The following DCT variants were observed in gnomAD, a reference collection of about 807,000 sequenced individuals.
DCT encodes dopachrome tautomerase, also known as L-dopachrome tautomerase.
In DCT, 47 loss-of-function variants were observed where a neutral mutation model predicts 53.0. That is an observed-to-expected ratio of 0.89 (90% CI 0.70 to 1.13). The LOEUF is 1.13. Among genes scored for constraint, DCT ranks in the 50% most tolerant of loss-of-function variants. DCT has a pLI of 0.00. For synonymous variants in DCT, 244 were observed against 237.0 expected, an observed-to-expected ratio of 1.03 and a Z score of -0.27; for missense variants, 669 against 637.4, an observed-to-expected ratio of 1.05 and a Z score of -0.53.
the DCT span, among the ~76,000 whole-genome samples, chr13:94,499,161 T>C: frequency 2.6e-5 from 4 of 152,260 alleles, no homozygotes; most frequent in East Asian, 7.7e-4. Context: ...GTAAGAGCTG[T>C]AACACTGGCT....
intron 6 of DCT, among the ~76,000 whole-genome samples, chr13:94,457,276 G>A (rs1416261508): frequency 6.6e-6 from 1 of 152,216 alleles, no homozygotes; most frequent in Non-Finnish European, 1.5e-5. Context: ...TGGAGATAGA[G>A]CCTAGAAAGA....
At chr13:94,476,757 C>T (rs569923871) in intron 1 of DCT, among the ~76,000 whole-genome samples, 1 of 152,284 alleles carries the variant, frequency 6.6e-6, no homozygotes, top group East Asian at 1.9e-4. Flanking sequence ...AGCCACTGCG[C>T]TTGGCCAGCA....
At chr13:94,519,885 T>C in the DCT span, among the ~76,000 whole-genome samples, 3 of 152,246 alleles carry the variant, frequency 2.0e-5, no homozygotes, top group East Asian at 1.9e-4. Context: ...AACAGTTAAC[T>C]ATGAGGGAGA....
the DCT span, among the ~76,000 whole-genome samples, chr13:94,541,618 A>G: frequency 1.3e-5 from 2 of 152,208 alleles, no homozygotes; most frequent in African/African-American, 4.8e-5. Context: ...TTGCAACTTT[A>G]AAAACTGCAA....
chr13:94,439,684 G>A lies in DCT; in HGVS notation c.*214C>T. 2.7e-6 allele frequency: 1 copy of A among 370,766 alleles called. No individual in the cohort carries two copies. Among genetic ancestry groups the A allele is most frequent in the Non-Finnish European group, 4.8e-6 (1 of 207,254 alleles). The allele number at this position is 370,766 out of a possible 1,614,324, so 23.0% of individuals were successfully genotyped here. The stretch of plus-strand genomic sequence containing the variant: ...TCAGGTCTATCTTTATTTGAAGGTA[G>A]AGGTAGCCTCAAGCACTTTAGTTGG... On this transcript the variant is annotated 3_prime_UTR_variant, in exon 8 of 8. Transcript: ENST00000377028.
At chr13:94,468,531 G>A (rs953239499) in intron 2 of DCT, 5 of 547,110 alleles carry the variant, frequency 9.1e-6, no homozygotes, top group African/African-American at 5.6e-5. Flanking sequence ...TACGGTAGAG[G>A]AGAGAACATT....
chr13:94,480,881 G>A (rs1885412945), upstream of DCT, among the ~76,000 whole-genome samples: 1 of 152,222 alleles, frequency 6.6e-6, no homozygotes. Flanking sequence ...TGAGGCTTCT[G>A]TAACAAATGA....
the DCT span, among the ~76,000 whole-genome samples, chr13:94,547,978 A>T: frequency 1.2e-4 from 13 of 104,548 alleles, no homozygotes; most frequent in South Asian, 6.3e-4. Context: ...AAAAAAAAAA[A>T]AAAAAAATAT....
chr13:94,478,619 C>T (rs1023641646), intron 1 of DCT, among the ~76,000 whole-genome samples: 13 of 152,222 alleles, frequency 8.5e-5, no homozygotes, highest in East Asian at 5.8e-4. Flanking sequence ...GAGAGGGCAC[C>T]GAATCCATCT....
the DCT span, among the ~76,000 whole-genome samples, chr13:94,490,641 C>T: frequency 6.6e-6 from 1 of 151,190 alleles, no homozygotes; most frequent in Non-Finnish European, 1.5e-5. Context: ...CGTGTGCATG[C>T]ACACACACAC....
chr13:94,491,490 G>A, the DCT span, among the ~76,000 whole-genome samples: 2 of 152,074 alleles, frequency 1.3e-5, no homozygotes, highest in African/African-American at 4.8e-5. Context: ...CACATTCTGG[G>A]TTACTCAGGG....
At chr13:94,501,268 CAAATAAAT>C in the DCT span, among the ~76,000 whole-genome samples, 13 of 151,692 alleles carry the variant, frequency 8.6e-5, no homozygotes, top group Non-Finnish European at 1.8e-4. Flanking sequence ...GACTCCGTCT[CAAATAAAT>C]AAATAAATTA....
rs775674378 is a variant in DCT at position 94,479,133 on chromosome 13, G to A, written c.123C>T (p.Cys41=). The change falls in exon 1 of 8, where the codon TGC becomes TGT. Residue 41 remains cysteine, a synonymous_variant. Coordinates refer to ENST00000377028, the MANE Select transcript of DCT (RefSeq NM_001922.5). ...TGGCCGACTCTGCACCCAGGCGTGG[G>A]CAGCACTCCTTGTTCACTAGGCTGT... The part of the protein sequence containing the change: ...TVDSLVNKEC[C]PRLGAESANV... 1.9e-6 allele frequency: 3 copies of A among 1,614,172 alleles called. No individual in the cohort carries two copies. The highest frequency in any genetic ancestry group is 2.5e-6 in the Non-Finnish European group (3 of 1,180,014).
intron 7 of DCT, among the ~76,000 whole-genome samples, chr13:94,441,697 A>G (rs1375132796): frequency 1.3e-5 from 2 of 152,182 alleles, no homozygotes; most frequent in Non-Finnish European, 2.9e-5. Flanking sequence ...TTGAGGCTGA[A>G]TAATATTCCA....
chr13:94,493,395 C>A, the DCT span, among the ~76,000 whole-genome samples: 2 of 152,080 alleles, frequency 1.3e-5, no homozygotes, highest in Non-Finnish European at 2.9e-5. Flanking sequence ...TGAGTGTCGG[C>A]CAGAGGACAG....
the DCT span, among the ~76,000 whole-genome samples, chr13:94,536,322 G>A: frequency 6.6e-6 from 1 of 152,164 alleles, no homozygotes; most frequent in African/African-American, 2.4e-5. Context: ...CCTCCAAGAA[G>A]CTGCTCTTCA....
the DCT span, among the ~76,000 whole-genome samples, chr13:94,536,284 G>A: frequency 6.6e-5 from 10 of 152,284 alleles, no homozygotes; most frequent in South Asian, 1.0e-3. Context: ...ACAGAGTAAT[G>A]TTCTGGGAGC....
chr13:94,445,960 T>G (rs1882699841), intron 6 of DCT, among the ~76,000 whole-genome samples: 1 of 152,130 alleles, frequency 6.6e-6, no homozygotes, highest in Non-Finnish European at 1.5e-5. Flanking sequence ...CCCCTTTTCC[T>G]GGCCCCCTCT....
intron 1 of DCT, among the ~76,000 whole-genome samples, chr13:94,478,013 GA>G (rs1263368916): frequency 6.6e-6 from 1 of 152,184 alleles, no homozygotes; most frequent in Non-Finnish European, 1.5e-5. Flanking sequence ...AGAGGAATGA[GA>G]AATGCACAGA....
Sources: allele counts gnomAD v4.1 joint callset (sites outside exome capture counted in the v4.1 genomes callset), GRCh38; gene constraint gnomAD v4.1.1; transcripts MANE v1.5; gene names NCBI Gene and HGNC (gene_info 2026-07-23, HGNC 2026-07-21).